The following OVCH1 variants were observed in gnomAD, a reference collection of about 807,000 sequenced individuals.
OVCH1 encodes the protein ovochymase 1.
In OVCH1, 139 loss-of-function variants were observed where a neutral mutation model predicts 138.4. The observed-to-expected ratio is 1.00, with a 90% CI of 0.87 to 1.16. The LOEUF is 1.16. Ranked by LOEUF, OVCH1 falls within the 50% of genes most tolerant of loss-of-function variation. The pLI is 0.00. For missense variants in OVCH1, 1,367 were observed against 1,357.9 expected (o/e 1.01, Z -0.11); for synonymous variants, 453 against 467.8 (o/e 0.97, Z 0.41).
chr12:29,428,843 A>G (rs7977826), intron 27 of OVCH1, among the ~76,000 whole-genome samples: 26,303 of 152,196 alleles, frequency 0.17, 2,539 homozygotes, highest in African/African-American at 0.27. Context: ...TGCAATACTC[A>G]ATTACAAAAT....
exon 24 of OVCH1, chr12:29,444,164 A>G (rs1281799686): frequency 6.2e-7 from 1 of 1,607,570 alleles, no homozygotes; most frequent in Non-Finnish European, 8.5e-7. Context: ...GTTCTGTGAG[A>G]ATTTCTTGGG....
chr12:29,439,435 C>A lies in OVCH1; in HGVS notation c.3158-1G>T. ...ATTGCCAGAGTTCCAGCGAATGAAG[C>A]TAAGATGGTCTGAGAAAAACAAACA... is the stretch of plus-strand genomic sequence containing the variant. On this transcript the variant is annotated splice_acceptor_variant, in intron 25 of 27. Transcript: ENST00000318184. LOFTEE classifies it high-confidence loss of function. 6.9e-7 allele frequency: 1 copy of A among 1,457,864 alleles called. No individual in the cohort carries two copies. The allele number at this position is 1,457,864 out of a possible 1,614,324, so 90.3% of individuals were successfully genotyped here. A position where few individuals can be genotyped will look rare whatever the true frequency, so the allele number is the denominator to read the frequency against.
chr12:29,455,885 ATAT>A (rs1941938010), intron 19 of OVCH1, among the ~76,000 whole-genome samples: 1 of 152,038 alleles, frequency 6.6e-6, no homozygotes, highest in Admixed American at 6.6e-5. Context: ...GGTAACCTCT[ATAT>A]GTAGTGTTTT....
chr12:29,445,518 T>C (rs1026925809), intron 22 of OVCH1, 115 bp from the exon 23 acceptor site: 7 of 1,067,070 alleles, frequency 6.6e-6, no homozygotes, highest in African/African-American at 3.2e-5. Flanking sequence ...TTCCATTCTG[T>C]AAAATGATGA....
chr12:29,433,718 C>T, intron 27 of OVCH1: 1 of 1,403,068 alleles, frequency 7.1e-7, no homozygotes, highest in African/African-American at 1.5e-5. Flanking sequence ...AGATTTTTTT[C>T]TATTTTATGT....
chr12:29,476,262 T>C, exon 13 of OVCH1: 1 of 1,613,624 alleles, frequency 6.2e-7, no homozygotes, highest in Non-Finnish European at 8.5e-7. Flanking sequence ...ATAAATACAG[T>C]TTGGACTAAA....
At chr12:29,411,032 CCG>C (rs1940948262), downstream of OVCH1, among the ~76,000 whole-genome samples, 4 of 148,962 alleles carry the variant, frequency 2.7e-5, no homozygotes, top group South Asian at 2.2e-4. Flanking sequence ...TCTAAACTTC[CCG>C]TCTCACTTCA....
chr12:29,493,118 A>G (rs180706309), intron 4 of OVCH1, among the ~76,000 whole-genome samples: 1 of 152,306 alleles, frequency 6.6e-6, no homozygotes, highest in Admixed American at 6.5e-5. Flanking sequence ...AATTGAGGAA[A>G]CGAAATTGAC....
At position 29,491,096 on chromosome 12, in the gene OVCH1, C is replaced by G. The variant is rs113005286; in HGVS notation, c.550+1G>C. On this transcript the variant is annotated splice_donor_variant, in intron 5 of 27. Coordinates refer to ENST00000318184, the Ensembl canonical transcript of OVCH1. LOFTEE classifies it high-confidence loss of function. Reference sequence around the variant, plus strand: ...TATTAAGTCATTTTGGTGTCTCTTACTTTTGGAAATCTTGCCCCATCCACT... The same window carrying G: ...TATTAAGTCATTTTGGTGTCTCTTAGTTTTGGAAATCTTGCCCCATCCACT... 77 of 1,612,450 alleles carry G rather than the reference C, an allele frequency of 4.8e-5. 2 individuals are homozygous for G. In the African/African-American group the frequency reaches 8.3e-4, roughly 17 times the overall value.
At chr12:29,411,541 G>T (rs879076718), downstream of OVCH1, among the ~76,000 whole-genome samples, 2 of 152,098 alleles carry the variant, frequency 1.3e-5, no homozygotes, top group East Asian at 3.9e-4. Flanking sequence ...CTCAGCTGCA[G>T]GTCTGTTGGA....
intron 22 of OVCH1, among the ~76,000 whole-genome samples, chr12:29,447,248 G>A (rs549564986): frequency 6.6e-6 from 1 of 152,128 alleles, no homozygotes; most frequent in South Asian, 2.1e-4. Context: ...TTGAGCCCAG[G>A]AGTTTGAGAC....
chr12:29,409,675 G>C (rs566266850), downstream of OVCH1, among the ~76,000 whole-genome samples: 1 of 152,158 alleles, frequency 6.6e-6, no homozygotes, highest in Non-Finnish European at 1.5e-5. Context: ...CTGAGAGAGA[G>C]TTTGTTATAA....
chr12:29,457,622 C>A (rs1941997794), intron 19 of OVCH1, among the ~76,000 whole-genome samples: 1 of 151,850 alleles, frequency 6.6e-6, no homozygotes, highest in Non-Finnish European at 1.5e-5. Flanking sequence ...CCAGGATGGT[C>A]TCGATCTGCT....
chr12:29,449,863 A>G (rs1242078041), intron 22 of OVCH1, among the ~76,000 whole-genome samples: 3 of 152,284 alleles, frequency 2.0e-5, no homozygotes, highest in African/African-American at 7.2e-5. Context: ...AATGCCACAC[A>G]TCTACAACCA....
the OVCH1 span, among the ~76,000 whole-genome samples, chr12:29,405,021 CAAAAAAAAAA>C: frequency 0.03 from 2,430 of 80,374 alleles, 97 homozygotes; most frequent in African/African-American, 0.16. Flanking sequence ...CACTCCACCT[CAAAAAAAAAA>C]AAAAAAAAAA....
intron 26 of OVCH1, chr12:29,433,939 A>G: frequency 1.3e-6 from 1 of 785,454 alleles, no homozygotes; most frequent in Non-Finnish European, 1.8e-6. Context: ...CTGATTAAAA[A>G]AAAATGAGTG....
intron 12 of OVCH1, among the ~76,000 whole-genome samples, chr12:29,476,518 T>C (rs911767139): frequency 6.6e-6 from 1 of 152,184 alleles, no homozygotes; most frequent in Non-Finnish European, 1.5e-5. Context: ...CTGGGAATTA[T>C]ACATATCCAC....
intron 21 of OVCH1, among the ~76,000 whole-genome samples, chr12:29,454,420 C>A (rs1255270644): frequency 6.6e-6 from 1 of 152,084 alleles, no homozygotes; most frequent in African/African-American, 2.4e-5. Flanking sequence ...GACTAAAAAT[C>A]AAAATCCTCT....
chr12:29,487,604 G>T, intron 7 of OVCH1, 89 bp downstream of exon 7: 3 of 1,280,010 alleles, frequency 2.3e-6, no homozygotes, highest in Non-Finnish European at 3.2e-6. Context: ...TTCTTGCTTT[G>T]TTCTAAAGCT....
Sources: allele counts gnomAD v4.1 joint callset (sites outside exome capture counted in the v4.1 genomes callset), GRCh38; gene constraint gnomAD v4.1.1; transcripts MANE v1.5; gene names NCBI Gene and HGNC (gene_info 2026-07-23, HGNC 2026-07-21).